Variants in PRDM5 observed in about 807,000 individuals in gnomAD.
PRDM5 encodes the protein PR/SET domain 5.
A neutral mutation model predicts 81.2 loss-of-function variants in PRDM5; 56 were observed. The ratio of observed to expected loss-of-function variants is 0.69; its 90% CI spans 0.56 to 0.86. The LOEUF (loss-of-function observed/expected upper bound fraction) is 0.86. Ranked by LOEUF, PRDM5 falls within the 40% of genes least tolerant of loss-of-function variation. The probability of loss-of-function intolerance (pLI) is 0.00; values close to 1 mark genes in which losing one functional copy is unlikely to be tolerated. For synonymous variants in PRDM5, 267 were observed against 256.4 expected, an observed-to-expected ratio of 1.04 and a Z score of -0.39; for missense variants, 697 against 770.1, an observed-to-expected ratio of 0.91 and a Z score of 1.12.
At position 120,816,548 on chromosome 4, in the gene PRDM5, C is replaced by T. The variant is rs756946467; in HGVS notation, c.770G>A (p.Arg257Gln). The T allele has an allele frequency of 3.7e-6, 6 of 1,614,130 alleles. No homozygotes were observed. The highest frequency in any genetic ancestry group is 3.3e-5 in the Admixed American group (2 of 59,990). ...SSFEQHQETC[R>Q]GDARFVCKAD... The stretch of plus-strand genomic sequence containing the variant: ...CTTGCACACAAACCTGGCATCCCCC[C>T]GGCAAGTCTCCTGGTGCTGCTCAAA... The change falls in exon 7 of 16, where the codon CGG becomes CAG. Residue 257 changes from arginine (R) to glutamine (Q), a missense_variant. By Grantham distance (43) the Arg-to-Gln change is conservative (BLOSUM62 1). This residue lies in a region of PRDM5 where 577 missense variants were observed against 606.7 expected (regional missense o/e 0.95). Coordinates refer to ENST00000264808, the MANE Select transcript of PRDM5 (RefSeq NM_018699.4).
At chr4:120,870,086 G>C (rs1761617938) in intron 2 of PRDM5, among the ~76,000 whole-genome samples, 1 of 151,892 alleles carries the variant, frequency 6.6e-6, no homozygotes, top group Non-Finnish European at 1.5e-5. Context: ...GAGAAGGGGA[G>C]AAACAGCGAG....
At chr4:120,746,886 G>C (rs1269508579) in intron 14 of PRDM5, among the ~76,000 whole-genome samples, 1 of 150,028 alleles carries the variant, frequency 6.7e-6, no homozygotes, top group Non-Finnish European at 1.5e-5. Flanking sequence ...CGATTCCTCA[G>C]GGATCTAGAA....
chr4:120,885,172 A>C (rs184804664), intron 2 of PRDM5, among the ~76,000 whole-genome samples: 1 of 151,570 alleles, frequency 6.6e-6, no homozygotes, highest in Non-Finnish European at 1.5e-5. Flanking sequence ...AAAGAAAAGA[A>C]AAGACATACG....
rs187329484 is a variant in PRDM5, at chr4:120,730,217, C to T, written c.1624-19804G>A. On this transcript the variant is annotated intron_variant, in intron 14 of 15. Coordinates refer to ENST00000264808, the MANE Select transcript of PRDM5 (RefSeq NM_018699.4). ...TAAGCCTCACTTCCCTCTTCTGTAA[C>T]ATGGAATATTATATCTATGTCATAG... is the stretch of plus-strand genomic sequence containing the variant. Among the ~76,000 whole-genome samples the T allele has an allele frequency of 3.9e-5, 6 of 152,266 alleles. No individual in the cohort carries two copies. In the East Asian group the frequency reaches 1.2e-3, roughly 29 times the overall value.
rs535060387 is a variant in PRDM5, at chr4:120,798,396, A to G, written c.1059T>C (p.Cys353=). Residue 353 remains cysteine, a synonymous_variant, in exon 10 of 16, where the codon TGT becomes TGC. Coordinates refer to ENST00000264808, the MANE Select transcript of PRDM5 (RefSeq NM_018699.4). ...GATCAAGCCTCTTGAAAGACTTATTACAAATCTCGCAATTATAGGGTCGTT... is the reference window on the plus strand; with the variant it reads ...GATCAAGCCTCTTGAAAGACTTATTGCAAATCTCGCAATTATAGGGTCGTT... ...SEKRPYNCEI[C]NKSFKRLDQV... is the part of the protein sequence containing the mutation. 3 of 1,611,928 alleles carry G rather than the reference A, an allele frequency of 1.9e-6. No individual in the cohort carries two copies. Among genetic ancestry groups the G allele is most frequent in the Admixed American group, 1.7e-5 (1 of 59,860 alleles).
chr4:120,817,524 G>GAGAAAGAC (rs113555002), intron 5 of PRDM5, among the ~76,000 whole-genome samples: 56,081 of 151,574 alleles, frequency 0.37, 10,459 homozygotes, highest in African/African-American at 0.43. Flanking sequence ...TAAGAGAAGA[G>GAGAAAGAC]ATATGTTGAT....
intron 14 of PRDM5, among the ~76,000 whole-genome samples, chr4:120,754,204 T>C (rs1440475340): frequency 7.0e-6 from 1 of 141,954 alleles, no homozygotes; most frequent in Non-Finnish European, 1.6e-5. Context: ...GCAGACTCTA[T>C]TAAAAAATGT....
rs146243936 is a variant in PRDM5 at position 120,701,779 on chromosome 4, A to G, written c.1729-6504T>C. Among the ~76,000 whole-genome samples the G allele has an allele frequency of 3.0e-4, 45 of 152,250 alleles. No homozygotes were observed. In the East Asian group the frequency reaches 5.6e-3, roughly 19 times the overall value. ...AACCTCAGTATCATGCAATATACCCATGTACAACAAACCTGCAGATGTACT... is the reference window on the plus strand; with the variant it reads ...AACCTCAGTATCATGCAATATACCCGTGTACAACAAACCTGCAGATGTACT... On this transcript the variant is annotated intron_variant, in intron 15 of 15. Transcript: ENST00000264808.
In PRDM5 at chr4:120,907,481, A is replaced by G; in HGVS notation, c.170T>C (p.Met57Thr). The change falls in exon 2 of 16, where the codon ATG (methionine) becomes ACG (threonine). Residue 57 changes from methionine to threonine, a missense_variant. This residue lies in a region of PRDM5 where 577 missense variants were observed against 606.7 expected (regional missense o/e 0.95). Transcript: ENST00000264808. ...DLDENMDYRL[M>T]WEVRGSKGEV... is the part of the protein sequence containing the mutation. ...AATAAGTCATATCCTCACCTCCCAC[A>G]TCAACCTGTAATCCATATTTTCATC... is the stretch of plus-strand genomic sequence containing the variant. The G allele has an allele frequency of 6.2e-7, 1 of 1,606,164 alleles. No homozygotes were observed. Among genetic ancestry groups the G allele is most frequent in the Non-Finnish European group, 8.5e-7 (1 of 1,172,792 alleles).
At chr4:120,788,987 G>GAAAC (rs1750166987) in intron 10 of PRDM5, among the ~76,000 whole-genome samples, 1 of 152,170 alleles carries the variant, frequency 6.6e-6, no homozygotes, top group Non-Finnish European at 1.5e-5. Context: ...ATGAAATCAA[G>GAAAC]CTTTTTTAAA....
At chr4:120,761,334 C>T (rs1745577567) in intron 13 of PRDM5, among the ~76,000 whole-genome samples, 1 of 152,084 alleles carries the variant, frequency 6.6e-6, no homozygotes, top group Admixed American at 6.6e-5. Flanking sequence ...CTACCTTGAG[C>T]CTTTGACAAA....
chr4:120,885,134 CAAAAAA>C (rs60623556), intron 2 of PRDM5, among the ~76,000 whole-genome samples: 64 of 50,714 alleles, frequency 1.3e-3, no homozygotes, highest in African/African-American at 1.8e-3. Flanking sequence ...GACTCCGTAT[CAAAAAA>C]AAAAAAAAAA....
intron 2 of PRDM5, among the ~76,000 whole-genome samples, chr4:120,855,834 A>G (rs1759816968): frequency 6.6e-6 from 1 of 152,230 alleles, no homozygotes; most frequent in South Asian, 2.1e-4. Flanking sequence ...AGTGAAACAC[A>G]AATGGGTTTG....
At chr4:120,719,387 A>T (rs1411228655) in intron 14 of PRDM5, among the ~76,000 whole-genome samples, 1 of 152,250 alleles carries the variant, frequency 6.6e-6, no homozygotes, top group East Asian at 1.9e-4. Flanking sequence ...CTTGAATGTC[A>T]CAGCAATGCC....
At chr4:120,696,726 C>G (rs939202772) in intron 15 of PRDM5, among the ~76,000 whole-genome samples, 1 of 151,912 alleles carries the variant, frequency 6.6e-6, no homozygotes, top group African/African-American at 2.4e-5. Flanking sequence ...TTTCATCTTC[C>G]TCAGCAGATT....
At chr4:120,840,739 G>A (rs892718164) in intron 3 of PRDM5, among the ~76,000 whole-genome samples, 1 of 152,186 alleles carries the variant, frequency 6.6e-6, no homozygotes, top group Non-Finnish European at 1.5e-5. Flanking sequence ...CCTGACAGGC[G>A]ACCCAGCCCG....
At chr4:120,829,935 A>G (rs1406400866) in intron 3 of PRDM5, among the ~76,000 whole-genome samples, 1 of 152,114 alleles carries the variant, frequency 6.6e-6, no homozygotes, top group Non-Finnish European at 1.5e-5. Flanking sequence ...TGCAAAAAAG[A>G]AAACAGAATG....
At chr4:120,748,843 T>C (rs1743540266) in intron 14 of PRDM5, among the ~76,000 whole-genome samples, 1 of 152,032 alleles carries the variant, frequency 6.6e-6, no homozygotes, top group South Asian at 2.1e-4. Flanking sequence ...GACTGCATCC[T>C]AGGAAACAGA....
At chr4:120,714,641 C>CT (rs1230977517) in intron 14 of PRDM5, among the ~76,000 whole-genome samples, 1 of 152,162 alleles carries the variant, frequency 6.6e-6, no homozygotes, top group South Asian at 2.1e-4. Context: ...GTCTAGTTCT[C>CT]TTTTTTGTGG....
Sources: gnomAD v4.1 joint callset for allele counts (sites outside exome capture counted in the v4.1 genomes callset) on GRCh38, gnomAD v4.1.1 for gene constraint, gnomAD v4.1.1 regional missense constraint, MANE v1.5 for transcripts, NCBI Gene and HGNC (gene_info 2026-07-23, HGNC 2026-07-21) for gene names.